DYM: variants seen among roughly 807,000 people sequenced by gnomAD.
The protein encoded by DYM is dymeclin.
Under a neutral mutation model 93.1 loss-of-function variants are expected in DYM, and 78 were observed. The ratio of observed to expected loss-of-function variants is 0.84; its 90% CI spans 0.70 to 1.01. The LOEUF is 1.01. Among genes scored for constraint, DYM ranks in the 50% least tolerant of loss-of-function variants. The pLI is 0.00. For missense variants in DYM, 789 were observed against 845.0 expected, an observed-to-expected ratio of 0.93 and a Z score of 0.82; for synonymous variants, 321 against 319.7, an observed-to-expected ratio of 1.00 and a Z score of -0.04.
chr18:49,235,480 T>C (rs575193173), intron 13 of DYM, among the ~76,000 whole-genome samples: 5 of 152,176 alleles, frequency 3.3e-5, no homozygotes, highest in Admixed American at 2.6e-4. Flanking sequence ...ATAGATGTAA[T>C]GATATAAGTT....
At chr18:49,417,303 C>A (rs1001451203) in intron 2 of DYM, among the ~76,000 whole-genome samples, 1 of 151,788 alleles carries the variant, frequency 6.6e-6, no homozygotes, top group African/African-American at 2.4e-5. Flanking sequence ...CATAAGCCAC[C>A]GAGCTCAGCT....
chr18:49,437,208 G>A (rs1320817489), intron 1 of DYM, among the ~76,000 whole-genome samples: 1 of 151,968 alleles, frequency 6.6e-6, no homozygotes, highest in Non-Finnish European at 1.5e-5. Context: ...CAGTTTCTTG[G>A]GCATCATTCC....
At chr18:49,445,896 A>T (rs995811190) in intron 1 of DYM, among the ~76,000 whole-genome samples, 1 of 152,190 alleles carries the variant, frequency 6.6e-6, no homozygotes, top group African/African-American at 2.4e-5. Flanking sequence ...ACTCACCAGC[A>T]GTGAACAATA....
rs550656838 is a variant in DYM, at chr18:49,066,359, G to A, written c.2026-22155C>T. On this transcript the variant is annotated intron_variant, in intron 17 of 17. Transcript: ENST00000675505. Reference sequence around the variant, plus strand: ...TTCTATCTGTGAATTTTATGTTAATGGAATTACACAGTGTATAACCTTCTG... The same window carrying A: ...TTCTATCTGTGAATTTTATGTTAATAGAATTACACAGTGTATAACCTTCTG... 4.6e-5 allele frequency among the ~76,000 whole-genome samples: 7 copies of A among 152,116 alleles called. No individual in the cohort carries two copies. In the South Asian group the frequency reaches 1.5e-3, roughly 32 times the overall value.
chr18:49,339,145 G>A (rs1292236567), intron 6 of DYM, among the ~76,000 whole-genome samples: 1 of 152,224 alleles, frequency 6.6e-6, no homozygotes, highest in African/African-American at 2.4e-5. Flanking sequence ...CAGGCATGTG[G>A]TGATATAAAA....
intron 2 of DYM, among the ~76,000 whole-genome samples, chr18:49,413,806 T>G (rs150409212): frequency 3.2e-4 from 48 of 152,144 alleles, no homozygotes; most frequent in African/African-American, 1.1e-3. Flanking sequence ...GGTCAGGAGT[T>G]CAAGACTAGC....
chr18:49,281,880 C>T, intron 10 of DYM, 117 bp downstream of exon 10: 1 of 998,814 alleles, frequency 1.0e-6, no homozygotes, highest in Non-Finnish European at 1.5e-6. Context: ...GTGCAGCACA[C>T]CAACATGGCA....
intron 8 of DYM, among the ~76,000 whole-genome samples, chr18:49,319,674 G>A (rs1230397835): frequency 1.3e-5 from 2 of 152,138 alleles, no homozygotes; most frequent in Admixed American, 1.3e-4. Context: ...GAGGAAACTG[G>A]GGCTCAGCAA....
chr18:49,128,282 C>G (rs1348559485), intron 15 of DYM, among the ~76,000 whole-genome samples: 1 of 152,192 alleles, frequency 6.6e-6, no homozygotes, highest in East Asian at 1.9e-4. Flanking sequence ...CCACTGCCAG[C>G]AGAAGAGACA....
At chr18:49,349,035 C>T (rs2064880948) in intron 6 of DYM, among the ~76,000 whole-genome samples, 1 of 151,874 alleles carries the variant, frequency 6.6e-6, no homozygotes, top group Admixed American at 6.6e-5. Flanking sequence ...TGGTGAAAAC[C>T]CGTCTCTACT....
intron 8 of DYM, among the ~76,000 whole-genome samples, chr18:49,324,846 A>G (rs183821503): frequency 5.6e-4 from 86 of 152,326 alleles, no homozygotes; most frequent in Admixed American, 9.1e-4. Context: ...TATTTTGTAT[A>G]TAATATCTCA....
At chr18:49,055,396 G>T (rs1041406311) in intron 17 of DYM, among the ~76,000 whole-genome samples, 1 of 152,172 alleles carries the variant, frequency 6.6e-6, no homozygotes, top group Admixed American at 6.5e-5. Context: ...AGTTGCCTAC[G>T]CGTCAACTCC....
In DYM at chr18:49,197,364, G is replaced by T. The variant is rs143216571; in HGVS notation, c.1625+12187C>A. ...AAAGCATAAAAAAAATGGCAAAAGG[G>T]GGGGAAGAAAGCCAGGAGTATGCTG... On this transcript the variant is annotated intron_variant, in intron 14 of 17. Coordinates refer to ENST00000675505, the MANE Select transcript of DYM (RefSeq NM_001353214.3). 4.7e-4 allele frequency among the ~76,000 whole-genome samples: 72 copies of T among 152,132 alleles called. 1 individual carries two copies. The East Asian group carries it at 7.6e-3, about 16-fold the overall frequency.
intron 13 of DYM, among the ~76,000 whole-genome samples, chr18:49,232,336 T>A (rs187789632): frequency 5.9e-5 from 9 of 151,722 alleles, no homozygotes; most frequent in African/African-American, 2.2e-4. Flanking sequence ...AGAAGGGGTC[T>A]CACTCTGTCA....
intron 13 of DYM, among the ~76,000 whole-genome samples, chr18:49,230,589 T>G (rs2144397780): frequency 6.6e-6 from 1 of 152,306 alleles, no homozygotes; most frequent in African/African-American, 2.4e-5. Flanking sequence ...CCCTAAATAC[T>G]ACAGCAATGG....
intron 6 of DYM, among the ~76,000 whole-genome samples, chr18:49,340,329 G>A (rs1444309709): frequency 6.6e-6 from 1 of 151,356 alleles, no homozygotes; most frequent in Non-Finnish European, 1.5e-5. Flanking sequence ...AGTTTTGAGA[G>A]GAAAAAAGTA....
intron 17 of DYM, among the ~76,000 whole-genome samples, chr18:49,089,206 A>T (rs540190358): frequency 6.6e-6 from 1 of 152,288 alleles, no homozygotes; most frequent in South Asian, 2.1e-4. Context: ...AAAAATACCT[A>T]CCAGAGCACC....
intron 14 of DYM, among the ~76,000 whole-genome samples, chr18:49,165,000 C>T (rs946952239): frequency 3.9e-5 from 6 of 151,956 alleles, no homozygotes; most frequent in East Asian, 3.9e-4. Context: ...GATAAAAAAG[C>T]GAGACCCAAC....
At chr18:49,180,405 T>G (rs892646423) in intron 14 of DYM, among the ~76,000 whole-genome samples, 3 of 152,276 alleles carry the variant, frequency 2.0e-5, no homozygotes, top group African/African-American at 7.2e-5. Flanking sequence ...GAAAACAATG[T>G]TAAAGTGAAC....
Sources: gnomAD v4.1 joint callset for allele counts (sites outside exome capture counted in the v4.1 genomes callset) on GRCh38, gnomAD v4.1.1 for gene constraint, MANE v1.5 for transcripts, NCBI Gene and HGNC (gene_info 2026-07-23, HGNC 2026-07-21) for gene names.